Variants in CRYBG3 observed in about 807,000 individuals in gnomAD.
CRYBG3 encodes the protein crystallin beta-gamma domain containing 3.
CRYBG3 carries 127 observed loss-of-function variants against 244.2 expected under a neutral mutation model. The ratio of observed to expected loss-of-function variants is 0.52; its 90% confidence interval spans 0.45 to 0.60. The LOEUF (loss-of-function observed/expected upper bound fraction) is 0.60. CRYBG3 is among the 20% of genes least tolerant of loss of function. The pLI is 0.00. For missense variants in CRYBG3, 3,325 were observed against 3,442.5 expected (o/e 0.97, Z 0.85); for synonymous variants, 1,132 against 1,195.8 (o/e 0.95, Z 1.10).
At chr3:97,901,054 G>A (rs558168479) in intron 15 of CRYBG3, among the ~76,000 whole-genome samples, 1 of 152,164 alleles carries the variant, frequency 6.6e-6, no homozygotes, top group Admixed American at 6.5e-5. Context: ...AGTCCATAAG[G>A]TCAGTATTAC....
chr3:97,886,500 T>C (rs2039508503), intron 7 of CRYBG3, 131 bp from the exon 8 acceptor site: 1 of 649,670 alleles, frequency 1.5e-6, no homozygotes, highest in Non-Finnish European at 2.4e-6. Context: ...AAACAATATT[T>C]CCTTTATGTT....
At chr3:97,869,163 G>C (rs183430256) in intron 3 of CRYBG3, among the ~76,000 whole-genome samples, 1 of 152,030 alleles carries the variant, frequency 6.6e-6, no homozygotes, top group East Asian at 1.9e-4. Context: ...TCATGGACTG[G>C]TTGCCTTATC....
chr3:97,889,645 T>G (rs978657958), intron 10 of CRYBG3, among the ~76,000 whole-genome samples: 2 of 152,100 alleles, frequency 1.3e-5, no homozygotes, highest in Admixed American at 6.6e-5. Flanking sequence ...TACATTCTGC[T>G]ACAGGGTGGA....
rs746891997 is a variant in CRYBG3, at chr3:97,943,514, C to T, written c.*200C>T. 12 of 520,528 alleles carry T rather than the reference C, an allele frequency of 2.3e-5. No homozygotes were observed. The highest frequency in any genetic ancestry group is 3.7e-5 in the Non-Finnish European group (11 of 300,788). The allele number at this position is 520,528 out of a possible 1,614,324, so 32.2% of individuals were successfully genotyped here. On this transcript the variant is annotated 3_prime_UTR_variant, in exon 22 of 22. Transcript: ENST00000389622. ...ATATTCTTGCCATTACTCAGTGTTC[C>T]TATAAAGAAAATATTATGATATCTT...
Position 97,936,725 on chromosome 3 carries a change from T to C in CRYBG3, c.8382-60T>C, listed in dbSNP as rs115786760. 3,520 of 1,576,960 alleles carry C rather than the reference T, an allele frequency of 2.2e-3. 48 individuals are homozygous for C. The African/African-American group carries it at 0.04, about 18-fold the overall frequency. ...CCTATAAGGCAAAGTGCAGATACTT[T>C]TGATGAGGGATTTTTTTTTGTTTTG... On this transcript the variant is annotated intron_variant, in intron 18 of 21. Coordinates refer to ENST00000389622, the MANE Select transcript of CRYBG3 (RefSeq NM_153605.4).
At chr3:97,893,304 C>T (rs2039602807) in intron 11 of CRYBG3, among the ~76,000 whole-genome samples, 1 of 152,152 alleles carries the variant, frequency 6.6e-6, no homozygotes, top group Non-Finnish European at 1.5e-5. Context: ...TGAATGACAG[C>T]CCCAGTTTTT....
At chr3:97,916,988 C>A (rs755690688) in intron 17 of CRYBG3, among the ~76,000 whole-genome samples, 10 of 152,010 alleles carry the variant, frequency 6.6e-5, no homozygotes, top group Non-Finnish European at 1.0e-4. Flanking sequence ...ATTTTTTAAA[C>A]AATTTTTAGT....
chr3:97,848,421 C>T (rs986566957), intron 2 of CRYBG3, among the ~76,000 whole-genome samples: 1 of 152,108 alleles, frequency 6.6e-6, no homozygotes, highest in Non-Finnish European at 1.5e-5. Flanking sequence ...CCTGCCTCAC[C>T]CTCCCGAGTA....
At chr3:97,901,099 T>TA (rs2039702177) in intron 15 of CRYBG3, among the ~76,000 whole-genome samples, 1 of 152,248 alleles carries the variant, frequency 6.6e-6, no homozygotes, top group East Asian at 1.9e-4. Flanking sequence ...AGATTCAGAA[T>TA]ACAAGTAAGT....
At position 97,843,175 on chromosome 3, in the gene CRYBG3, C is replaced by G; in HGVS notation, c.150-20C>G. 1.4e-6 allele frequency: 2 copies of G among 1,461,134 alleles called. No individual in the cohort carries two copies. The highest frequency in any genetic ancestry group is 1.8e-6 in the Non-Finnish European group (2 of 1,101,068). The allele number at this position is 1,461,134 out of a possible 1,614,324, so 90.5% of individuals were successfully genotyped here. A position where few individuals can be genotyped will look rare whatever the true frequency, so the allele number is the denominator to read the frequency against. On this transcript the variant is annotated intron_variant, in intron 1 of 21. Transcript: ENST00000389622. ...AATTTTCTTTTAATTTCAAAAGAAACTGTGGTTTTTATTTTTCAGTGTTGA... is the reference window on the plus strand; with the variant it reads ...AATTTTCTTTTAATTTCAAAAGAAAGTGTGGTTTTTATTTTTCAGTGTTGA...
chr3:97,897,132 G>C (rs1428736887), intron 12 of CRYBG3, among the ~76,000 whole-genome samples: 1 of 151,606 alleles, frequency 6.6e-6, no homozygotes, highest in Admixed American at 6.6e-5. Context: ...ATTTGCTTTT[G>C]TTGCGATTTT....
intron 1 of CRYBG3, among the ~76,000 whole-genome samples, chr3:97,829,854 T>A (rs1176765176): frequency 6.6e-6 from 1 of 152,176 alleles, no homozygotes; most frequent in Non-Finnish European, 1.5e-5. Flanking sequence ...CAAGGTAACA[T>A]GTAGGGGACT....
intron 1 of CRYBG3, among the ~76,000 whole-genome samples, chr3:97,838,211 G>A (rs141135341): frequency 1.6e-3 from 239 of 152,234 alleles, no homozygotes; most frequent in African/African-American, 5.6e-3. Flanking sequence ...TTTCTGGATC[G>A]AGAAGCTTTG....
intron 15 of CRYBG3, among the ~76,000 whole-genome samples, chr3:97,904,038 C>T (rs904223841): frequency 3.3e-5 from 5 of 152,036 alleles, no homozygotes; most frequent in Admixed American, 6.6e-5. Context: ...TATTTGTTAT[C>T]GATTGTTCTG....
intron 17 of CRYBG3, among the ~76,000 whole-genome samples, chr3:97,918,810 A>G (rs2108255466): frequency 6.6e-6 from 1 of 152,296 alleles, no homozygotes; most frequent in South Asian, 2.1e-4. Flanking sequence ...TGGGGACATG[A>G]CTATTTTCAT....
intron 2 of CRYBG3, among the ~76,000 whole-genome samples, chr3:97,847,338 GA>G (rs2038918577): frequency 6.6e-6 from 1 of 151,968 alleles, no homozygotes; most frequent in African/African-American, 2.4e-5. Flanking sequence ...TGTTCAAAAG[GA>G]AAAAATCAAT....
intron 12 of CRYBG3, among the ~76,000 whole-genome samples, chr3:97,898,606 C>T (rs957367257): frequency 2.0e-5 from 3 of 152,234 alleles, no homozygotes; most frequent in Non-Finnish European, 4.4e-5. Context: ...ATTAATGTTG[C>T]TTGTGATAGC....
intron 1 of CRYBG3, among the ~76,000 whole-genome samples, chr3:97,842,175 TAGAG>T (rs1274321039): frequency 6.6e-6 from 1 of 152,160 alleles, no homozygotes; most frequent in African/African-American, 2.4e-5. Context: ...TGGCATATGG[TAGAG>T]AGTCAGTCAT....
intron 15 of CRYBG3, among the ~76,000 whole-genome samples, chr3:97,909,444 TTTC>T (rs1219049234): frequency 1.3e-5 from 2 of 150,004 alleles, no homozygotes; most frequent in Non-Finnish European, 3.0e-5. Flanking sequence ...GCTTTGCTCA[TTTC>T]TTTTTATTCT....
Sources: allele counts gnomAD v4.1 joint callset (sites outside exome capture counted in the v4.1 genomes callset), GRCh38; gene constraint gnomAD v4.1.1; transcripts MANE v1.5; gene names NCBI Gene and HGNC (gene_info 2026-07-23, HGNC 2026-07-21).